The following GFRA1 variants were observed in gnomAD, a reference collection of about 807,000 sequenced individuals.
GFRA1 encodes the protein GDNF family receptor alpha-1.
In GFRA1, 16 loss-of-function variants were observed where a neutral mutation model predicts 51.6. That is an observed-to-expected ratio of 0.31 (90% confidence interval 0.21 to 0.47). The LOEUF (loss-of-function observed/expected upper bound fraction) is 0.47, where lower values mean the gene tolerates loss of function less well. Ranked by LOEUF, GFRA1 falls within the 20% of genes least tolerant of loss-of-function variation. GFRA1 has a pLI of 1.00. For missense variants in GFRA1, 530 were observed against 594.3 expected (o/e 0.89, Z 1.13); for synonymous variants, 270 against 241.3 (o/e 1.12, Z -1.10).
Position 116,064,385 on chromosome 10 carries a change from T to C in GFRA1, c.*13A>G. 1 of 1,610,758 alleles carries C rather than the reference T, an allele frequency of 6.2e-7. No homozygotes were observed. Among genetic ancestry groups the C allele is most frequent in the Non-Finnish European group, 8.5e-7 (1 of 1,178,676 alleles). ...GTCTTTTTACATGTCCATATTGTAT[T>C]TTTTTAATGCAGCTATGATGTTTCT... On this transcript the variant is annotated 3_prime_UTR_variant, in exon 11 of 11. Transcript: ENST00000355422.
chr10:116,104,141 G>A (rs568265401), intron 6 of GFRA1, among the ~76,000 whole-genome samples: 1 of 152,332 alleles, frequency 6.6e-6, no homozygotes, highest in South Asian at 2.1e-4. Flanking sequence ...CTGGTAGTGG[G>A]ATTATTAAAG....
At chr10:116,184,654 T>C (rs1962534076) in intron 5 of GFRA1, among the ~76,000 whole-genome samples, 3 of 152,214 alleles carry the variant, frequency 2.0e-5, no homozygotes, top group Admixed American at 2.0e-4. Flanking sequence ...CTGCTCAGGC[T>C]CTATTTAACA....
At chr10:116,116,857 C>T (rs1393491095) in intron 6 of GFRA1, among the ~76,000 whole-genome samples, 1 of 152,144 alleles carries the variant, frequency 6.6e-6, no homozygotes, top group African/African-American at 2.4e-5. Flanking sequence ...TGATGGTCTA[C>T]CTCTCTTTAA....
chr10:116,170,167 T>C (rs1019686188), intron 5 of GFRA1, among the ~76,000 whole-genome samples: 5 of 152,294 alleles, frequency 3.3e-5, no homozygotes, highest in East Asian at 1.9e-4. Context: ...CATGGAAGTA[T>C]AGGACAGGAA....
At chr10:116,267,415 G>A (rs543217482) in intron 4 of GFRA1, among the ~76,000 whole-genome samples, 4 of 152,182 alleles carry the variant, frequency 2.6e-5, no homozygotes, top group East Asian at 1.9e-4. Context: ...GCATTGCGCC[G>A]AGATCATGCC....
intron 10 of GFRA1, among the ~76,000 whole-genome samples, 163 bp downstream of exon 10, chr10:116,065,410 T>A (rs549401762): frequency 1.3e-5 from 2 of 152,330 alleles, no homozygotes; most frequent in African/African-American, 4.8e-5. Flanking sequence ...GAATTCAAAG[T>A]CTTCACCTTG....
intron 4 of GFRA1, among the ~76,000 whole-genome samples, chr10:116,265,550 C>T (rs1969588692): frequency 6.6e-6 from 1 of 152,214 alleles, no homozygotes; most frequent in South Asian, 2.1e-4. Context: ...AAATTGCCAA[C>T]AGGTTCATCA....
intron 5 of GFRA1, among the ~76,000 whole-genome samples, chr10:116,142,999 A>G (rs946627539): frequency 2.5e-4 from 38 of 152,162 alleles, no homozygotes; most frequent in African/African-American, 8.4e-4. Flanking sequence ...TCCACTTCCC[A>G]CTCTGACGGG....
intron 5 of GFRA1, among the ~76,000 whole-genome samples, chr10:116,206,351 G>C (rs1312285413): frequency 1.3e-5 from 2 of 152,092 alleles, no homozygotes; most frequent in African/African-American, 4.8e-5. Flanking sequence ...AACCTAAGAC[G>C]AAGGCCGAGC....
At chr10:116,211,974 T>C (rs552851580) in intron 4 of GFRA1, among the ~76,000 whole-genome samples, 2 of 152,104 alleles carry the variant, frequency 1.3e-5, no homozygotes, top group African/African-American at 4.8e-5. Context: ...ATAGTAAACA[T>C]AGAAAAATCA....
chr10:116,262,047 A>C (rs61092077), intron 4 of GFRA1, among the ~76,000 whole-genome samples: 25,806 of 152,192 alleles, frequency 0.17, 3,062 homozygotes, highest in African/African-American at 0.33. Context: ...AGAACAAAAA[A>C]CAAAAAGGAC....
At chr10:116,267,843 G>A (rs1458490415) in intron 4 of GFRA1, among the ~76,000 whole-genome samples, 1 of 152,024 alleles carries the variant, frequency 6.6e-6, no homozygotes, top group African/African-American at 2.4e-5. Context: ...GAAGTGACAT[G>A]GAGTGGAAAT....
intron 4 of GFRA1, among the ~76,000 whole-genome samples, chr10:116,216,234 A>T (rs1489180928): frequency 2.0e-5 from 3 of 152,162 alleles, no homozygotes; most frequent in Non-Finnish European, 4.4e-5. Flanking sequence ...ACTCATCCAC[A>T]TGACTAGTGT....
In GFRA1 at chr10:116,270,902, T is replaced by G. The variant is rs779144473; in HGVS notation, c.254A>C (p.Tyr85Ser). 1.9e-6 allele frequency: 3 copies of G among 1,614,076 alleles called. No homozygotes were observed. In the South Asian group the frequency reaches 3.3e-5, roughly 18 times the overall value. Residue 85 changes from tyrosine to serine, a missense_variant, in exon 3 of 11, where the codon TAC becomes TCC. Transcript: ENST00000355422. Reference sequence around the variant, plus strand: ...CATACCCCGCTTGCAGCGGCAGTTGTAGAGCGACTTCTGCTTCAGGGCCTC... The same window carrying G: ...CATACCCCGCTTGCAGCGGCAGTTGGAGAGCGACTTCTGCTTCAGGGCCTC... ...AMEALKQKSLYNCRCKRGMKK... is the reference protein window; with the variant it reads ...AMEALKQKSLSNCRCKRGMKK...
intron 5 of GFRA1, among the ~76,000 whole-genome samples, chr10:116,137,659 C>A (rs549918560): frequency 6.6e-6 from 1 of 152,302 alleles, no homozygotes; most frequent in African/African-American, 2.4e-5. Context: ...TCTTAAAAGA[C>A]AGTAGCCAAA....
chr10:116,109,349 C>G (rs965913136), intron 6 of GFRA1, among the ~76,000 whole-genome samples: 6 of 152,148 alleles, frequency 3.9e-5, no homozygotes, highest in Non-Finnish European at 4.4e-5. Flanking sequence ...TGCAGAAGCC[C>G]AAATCTGATT....
At chr10:116,182,166 G>A (rs1320417765) in intron 5 of GFRA1, among the ~76,000 whole-genome samples, 1 of 152,050 alleles carries the variant, frequency 6.6e-6, no homozygotes, top group Non-Finnish European at 1.5e-5. Context: ...GGAGTGCAGG[G>A]AGAAAAATCC....
At chr10:116,225,534 CAAAAAAAAA>C (rs756377767) in intron 4 of GFRA1, among the ~76,000 whole-genome samples, 16 of 63,952 alleles carry the variant, frequency 2.5e-4, no homozygotes, top group African/African-American at 1.0e-3. Flanking sequence ...AGTCTGTCTC[CAAAAAAAAA>C]AAAAAAAAAA....
At chr10:116,248,828 G>A (rs1488513220) in intron 4 of GFRA1, among the ~76,000 whole-genome samples, 1 of 152,144 alleles carries the variant, frequency 6.6e-6, no homozygotes, top group Non-Finnish European at 1.5e-5. Flanking sequence ...CCCCAGATGG[G>A]TGTAGCTGGT....
Sources: allele counts gnomAD v4.1 joint callset (sites outside exome capture counted in the v4.1 genomes callset), GRCh38; gene constraint gnomAD v4.1.1; transcripts MANE v1.5; gene names NCBI Gene and HGNC (gene_info 2026-07-23, HGNC 2026-07-21).